MED13: variants seen among roughly 807,000 people sequenced by gnomAD.
The protein encoded by MED13 is mediator of RNA polymerase II transcription subunit 13.
Under a neutral mutation model 225.2 loss-of-function variants are expected in MED13, and 23 were observed. The ratio of observed to expected loss-of-function variants is 0.10; its 90% CI spans 0.07 to 0.14. The LOEUF is 0.14. MED13 is among the 10% of genes least tolerant of loss of function. The pLI, the probability that MED13 is intolerant of heterozygous loss-of-function variation, is 1.00. For synonymous variants in MED13, 942 were observed against 889.2 expected (o/e 1.06, Z -1.06); for missense variants, 2,197 against 2,594.5 (o/e 0.85, Z 3.33).
At chr17:62,015,877 GTA>G (rs534114735) in intron 8 of MED13, among the ~76,000 whole-genome samples, 4 of 59,160 alleles carry the variant, frequency 6.8e-5, no homozygotes, top group Non-Finnish European at 9.3e-5. Context: ...ATGTGTGTGT[GTA>G]TATATATACA....
At chr17:61,963,052 C>A (rs997826643) in intron 20 of MED13, 81 bp from the exon 21 acceptor site, 10 of 1,108,696 alleles carry the variant, frequency 9.0e-6, no homozygotes, top group Non-Finnish European at 1.2e-5. Context: ...TTAATATCCC[C>A]CTCCTCCCTC....
chr17:62,026,992 C>A (rs2080708721), intron 8 of MED13, among the ~76,000 whole-genome samples: 1 of 152,108 alleles, frequency 6.6e-6, no homozygotes, highest in Admixed American at 6.6e-5. Flanking sequence ...GAATCAATAT[C>A]CTTAAAATGG....
At chr17:61,976,275 T>C (rs910620263) in intron 16 of MED13, among the ~76,000 whole-genome samples, 1 of 152,146 alleles carries the variant, frequency 6.6e-6, no homozygotes, top group Non-Finnish European at 1.5e-5. Flanking sequence ...CTTGAAAACA[T>C]TATGGAAAGC....
At chr17:62,005,526 A>C (rs1009252183) in intron 9 of MED13, 2 of 152,306 alleles carry the variant, frequency 1.3e-5, no homozygotes, top group African/African-American at 4.8e-5. Flanking sequence ...GAATCGCGTG[A>C]ACCTGGGAGG....
At chr17:61,973,209 G>T (rs2080124803) in intron 16 of MED13, among the ~76,000 whole-genome samples, 1 of 151,812 alleles carries the variant, frequency 6.6e-6, no homozygotes, top group Non-Finnish European at 1.5e-5. Flanking sequence ...GGCTGTTTTG[G>T]TGCTGTAGGT....
intron 2 of MED13, among the ~76,000 whole-genome samples, chr17:62,061,210 A>G (rs1251757339): frequency 6.6e-6 from 1 of 152,064 alleles, no homozygotes; most frequent in Non-Finnish European, 1.5e-5. Context: ...TAACTTTCAC[A>G]ATATTTTTTC....
intron 4 of MED13, among the ~76,000 whole-genome samples, chr17:62,034,699 G>T (rs2080787487): frequency 6.6e-6 from 1 of 152,078 alleles, no homozygotes; most frequent in African/African-American, 2.4e-5. Flanking sequence ...TAGGTTTAAA[G>T]TTAAAATAAG....
At chr17:62,021,310 G>GC (rs1232514753) in intron 8 of MED13, among the ~76,000 whole-genome samples, 1 of 137,392 alleles carries the variant, frequency 7.3e-6, no homozygotes, top group Non-Finnish European at 1.6e-5. Context: ...GGCTGGCCGG[G>GC]CGGGGGGCTG....
chr17:61,942,813 AAAC>A lies in MED13; in HGVS notation c.*3652_*3654del, dbSNP rs762294611. 1.3e-5 allele frequency: 2 copies of A among 152,586 alleles called. No homozygotes were observed. The highest frequency in any genetic ancestry group is 2.9e-5 in the Non-Finnish European group (2 of 68,008). The allele number at this position is 152,586 out of a possible 1,614,324, so 9.5% of individuals were successfully genotyped here. ...TTGGACCATATTAAATGTCACTGCTAAACAACAACTTTAAAACGCCCCTTCATA... is the reference window on the plus strand; with the variant it reads ...TTGGACCATATTAAATGTCACTGCTAAACAACTTTAAAACGCCCCTTCATA... On this transcript the variant is annotated 3_prime_UTR_variant, in exon 30 of 30. Coordinates refer to ENST00000397786, the MANE Select transcript of MED13 (RefSeq NM_005121.3).
At chr17:61,988,901 G>A (rs2080270986) in intron 11 of MED13, among the ~76,000 whole-genome samples, 1 of 151,776 alleles carries the variant, frequency 6.6e-6, no homozygotes, top group Non-Finnish European at 1.5e-5. Flanking sequence ...ATTTACAATA[G>A]ATCTCTTGAA....
chr17:61,988,432 T>C (rs574711265), intron 11 of MED13, among the ~76,000 whole-genome samples: 2 of 152,352 alleles, frequency 1.3e-5, no homozygotes, highest in South Asian at 2.1e-4. Flanking sequence ...GTTAACTGAC[T>C]TGAGAGTCCT....
At chr17:62,003,329 G>A (rs1347026893) in intron 9 of MED13, among the ~76,000 whole-genome samples, 1 of 152,076 alleles carries the variant, frequency 6.6e-6, no homozygotes, top group Non-Finnish European at 1.5e-5. Context: ...ATTGTGGCCA[G>A]GTGCAGTGCC....
intron 26 of MED13, among the ~76,000 whole-genome samples, chr17:61,953,323 C>T (rs975539254): frequency 1.3e-5 from 2 of 152,176 alleles, no homozygotes; most frequent in Non-Finnish European, 2.9e-5. Flanking sequence ...TAATGGCCCC[C>T]CAAAGATGTC....
At chr17:62,063,422 G>C (rs1305417712) in intron 1 of MED13, 121 bp from the exon 2 acceptor site, 4 of 632,642 alleles carry the variant, frequency 6.3e-6, no homozygotes, top group African/African-American at 1.8e-5. Context: ...TTGAGATATT[G>C]ACTGCAAATT....
chr17:62,058,481 A>C (rs1027505828), intron 2 of MED13, among the ~76,000 whole-genome samples: 4 of 147,832 alleles, frequency 2.7e-5, no homozygotes, highest in African/African-American at 7.5e-5. Flanking sequence ...AGATCGCCCC[A>C]CTACACTCCA....
In MED13 at chr17:62,037,270, A is replaced by T. The variant is rs1354507459; in HGVS notation, c.471-1662T>A. Among the ~76,000 whole-genome samples, 4 of 152,106 alleles carry T rather than the reference A, an allele frequency of 2.6e-5. 1 individual carries two copies. The highest frequency in any genetic ancestry group is 2.0e-4 in the Admixed American group (3 of 15,270). On this transcript the variant is annotated intron_variant, in intron 3 of 29. Coordinates refer to ENST00000397786, the MANE Select transcript of MED13 (RefSeq NM_005121.3). ...TGTCTCAAAAAACATATAAGTAAAT[A>T]AAAATAAAATAAAATAAAAATTAAT...
chr17:62,056,227 T>TA (rs1297206068), intron 2 of MED13, among the ~76,000 whole-genome samples: 1 of 151,920 alleles, frequency 6.6e-6, no homozygotes, highest in African/African-American at 2.4e-5. Flanking sequence ...GACAATCTAA[T>TA]AACTGTAATA....
chr17:62,017,773 T>C (rs572139334), intron 8 of MED13, among the ~76,000 whole-genome samples: 1 of 152,176 alleles, frequency 6.6e-6, no homozygotes, highest in Non-Finnish European at 1.5e-5. Context: ...GCAAAAATAA[T>C]TTTTATTAAT....
chr17:62,034,665 A>G (rs966029598), intron 4 of MED13, among the ~76,000 whole-genome samples: 10 of 152,212 alleles, frequency 6.6e-5, no homozygotes, highest in Non-Finnish European at 1.0e-4. Context: ...ATGTACTGCC[A>G]TGTAAACTTT....
Sources: gnomAD v4.1 joint callset for allele counts (sites outside exome capture counted in the v4.1 genomes callset) on GRCh38, gnomAD v4.1.1 for gene constraint, MANE v1.5 for transcripts, NCBI Gene and HGNC (gene_info 2026-07-23, HGNC 2026-07-21) for gene names.